The following HMG20A variants were observed in gnomAD, a reference collection of about 807,000 sequenced individuals.
HMG20A encodes the protein high mobility group protein 20A.
HMG20A carries 17 observed loss-of-function variants against 43.9 expected under a neutral mutation model. The ratio of observed to expected loss-of-function variants is 0.39; its 90% CI spans 0.27 to 0.58. HMG20A has a LOEUF of 0.58. HMG20A is among the 20% of genes least tolerant of loss of function. The pLI is 0.59. For synonymous variants in HMG20A, 132 were observed against 147.5 expected (o/e 0.89, Z 0.76); for missense variants, 341 against 438.2 (o/e 0.78, Z 1.98).
chr15:77,447,700 T>G (rs1304586887), intron 1 of HMG20A: 1 of 152,246 alleles, frequency 6.6e-6, no homozygotes, highest in Non-Finnish European at 1.5e-5. Context: ...TTTTCTCCCT[T>G]TTTATTTTTC....
chr15:77,467,217 A>C lies in HMG20A; in HGVS notation c.360A>C (p.Gln120His), dbSNP rs773797777. 1 of 1,614,168 alleles carries C rather than the reference A, an allele frequency of 6.2e-7. No individual in the cohort carries two copies. The highest frequency in any genetic ancestry group is 1.1e-5 in the South Asian group (1 of 91,084). ...YVRFMNERRE[Q>H]LRAKRPEVPF... ...GGTTCATGAATGAGCGTCGAGAACA[A>C]CTTCGAGCAAAGAGACCAGAAGTCC... Residue 120 changes from glutamine (Q) to histidine (H), a missense_variant, in exon 4 of 10, where the codon CAA becomes CAC. By Grantham distance (24) the Gln-to-His change is conservative. This residue lies in a region of HMG20A where 220 missense variants were observed against 263.6 expected (regional missense o/e 0.83). Transcript: ENST00000336216.
In HMG20A at chr15:77,467,075, T is replaced by C; in HGVS notation, c.238-20T>C. ...GGTTGTTGTTTGGTTTTTGGTTTTTTATTTTGTTTTGTTTTGTAGCAACGA... is the reference window on the plus strand; with the variant it reads ...GGTTGTTGTTTGGTTTTTGGTTTTTCATTTTGTTTTGTTTTGTAGCAACGA... On this transcript the variant is annotated intron_variant, in intron 3 of 9. Transcript: ENST00000336216. 3 of 1,594,250 alleles carry C rather than the reference T, an allele frequency of 1.9e-6. No homozygotes were observed. The highest frequency in any genetic ancestry group is 2.6e-6 in the Non-Finnish European group (3 of 1,167,740).
intron 1 of HMG20A, among the ~76,000 whole-genome samples, chr15:77,427,395 C>A (rs1297701829): frequency 1.3e-5 from 2 of 152,034 alleles, no homozygotes; most frequent in Non-Finnish European, 2.9e-5. Flanking sequence ...ATTAATGGTT[C>A]TACAAGCATG....
chr15:77,497,680 A>AGT, the HMG20A span, among the ~76,000 whole-genome samples: 28 of 129,812 alleles, frequency 2.2e-4, no homozygotes, highest in African/African-American at 3.0e-5. Flanking sequence ...AGAGAGAGAG[A>AGT]GAGTGTGTGT....
chr15:77,454,813 T>C (rs2072639325), intron 1 of HMG20A, among the ~76,000 whole-genome samples: 1 of 152,080 alleles, frequency 6.6e-6, no homozygotes, highest in Non-Finnish European at 1.5e-5. Context: ...TGAGTTGTAA[T>C]AGGAGAATTA....
intron 1 of HMG20A, among the ~76,000 whole-genome samples, chr15:77,428,183 G>A (rs998356169): frequency 6.6e-6 from 1 of 152,152 alleles, no homozygotes; most frequent in Non-Finnish European, 1.5e-5. Context: ...GAAAGATCTT[G>A]GTATGGTTAA....
intron 1 of HMG20A, among the ~76,000 whole-genome samples, chr15:77,449,099 C>A (rs2073707282): frequency 1.3e-5 from 2 of 151,876 alleles, no homozygotes; most frequent in Non-Finnish European, 1.5e-5. Flanking sequence ...TCATAGGAGC[C>A]TGGACTATCA....
At chr15:77,454,066 G>A (rs1238107418) in intron 1 of HMG20A, among the ~76,000 whole-genome samples, 4 of 151,690 alleles carry the variant, frequency 2.6e-5, no homozygotes, top group Non-Finnish European at 5.9e-5. Flanking sequence ...GGAGGCTGAG[G>A]CAGAGAGATC....
At chr15:77,463,297 A>G (rs2072722824) in intron 2 of HMG20A, among the ~76,000 whole-genome samples, 1 of 152,170 alleles carries the variant, frequency 6.6e-6, no homozygotes, top group Non-Finnish European at 1.5e-5. Flanking sequence ...TATAAAATTC[A>G]TCATACCCTC....
At chr15:77,495,783 A>C in the HMG20A span, among the ~76,000 whole-genome samples, 3 of 152,066 alleles carry the variant, frequency 2.0e-5, no homozygotes, top group Non-Finnish European at 4.4e-5. Flanking sequence ...CCTTATTCCT[A>C]GTTTTTCATC....
At chr15:77,502,715 C>T in the HMG20A span, among the ~76,000 whole-genome samples, 1 of 152,262 alleles carries the variant, frequency 6.6e-6, no homozygotes, top group Non-Finnish European at 1.5e-5. Flanking sequence ...TACCTGTAAT[C>T]CCAGCACTTC....
At chr15:77,449,729 A>G (rs190535678) in intron 1 of HMG20A, among the ~76,000 whole-genome samples, 1 of 152,088 alleles carries the variant, frequency 6.6e-6, no homozygotes, top group Non-Finnish European at 1.5e-5. Context: ...CTGTCCCCCC[A>G]CACACACAGC....
At chr15:77,443,286 G>T (rs373444296) in intron 1 of HMG20A, among the ~76,000 whole-genome samples, 2 of 149,754 alleles carry the variant, frequency 1.3e-5, no homozygotes, top group African/African-American at 4.9e-5. Context: ...GCCCACCTCG[G>T]CCTCCCAACA....
chr15:77,435,553 C>A (rs982960916), intron 1 of HMG20A, among the ~76,000 whole-genome samples: 2 of 152,136 alleles, frequency 1.3e-5, no homozygotes, highest in African/African-American at 2.4e-5. Flanking sequence ...CTCGGCCTCC[C>A]AAAATGCTAG....
chr15:77,490,221 G>A (rs1018657655), downstream of HMG20A, among the ~76,000 whole-genome samples: 13 of 152,240 alleles, frequency 8.5e-5, no homozygotes, highest in African/African-American at 2.9e-4. Context: ...CCAGGAGGTG[G>A]GGGTTGCAGT....
chr15:77,442,048 G>A (rs184475808), intron 1 of HMG20A, among the ~76,000 whole-genome samples: 155 of 152,184 alleles, frequency 1.0e-3, no homozygotes, highest in African/African-American at 3.7e-3. Context: ...AGGTATATTG[G>A]CAAGAAGTAA....
At chr15:77,421,196 TG>T (rs893114451) in intron 1 of HMG20A, 192 bp downstream of exon 1, 8 of 153,556 alleles carry the variant, frequency 5.2e-5, no homozygotes, top group Non-Finnish European at 6.3e-5. Flanking sequence ...TCACTTCCTG[TG>T]GGGGGGTGGT....
intron 1 of HMG20A, among the ~76,000 whole-genome samples, chr15:77,451,852 C>T (rs1207170164): frequency 6.6e-6 from 1 of 152,086 alleles, no homozygotes; most frequent in Non-Finnish European, 1.5e-5. Flanking sequence ...GTTAAAGATT[C>T]AATACTTAGA....
chr15:77,473,819 C>G (rs1487916706), intron 6 of HMG20A, among the ~76,000 whole-genome samples: 1 of 152,154 alleles, frequency 6.6e-6, no homozygotes, highest in Non-Finnish European at 1.5e-5. Context: ...GATGGAGAGC[C>G]AGCAGTTGTT....
Sources: gnomAD v4.1 joint callset for allele counts (sites outside exome capture counted in the v4.1 genomes callset) on GRCh38, gnomAD v4.1.1 for gene constraint, gnomAD v4.1.1 regional missense constraint, MANE v1.5 for transcripts, NCBI Gene and HGNC (gene_info 2026-07-23, HGNC 2026-07-21) for gene names.